The following DHX29 variants were observed in gnomAD, a reference collection of about 807,000 sequenced individuals.
The protein encoded by DHX29 is DExH-box helicase 29.
Under a neutral mutation model 167.9 loss-of-function variants are expected in DHX29, and 79 were observed. That is an observed-to-expected ratio of 0.47 (90% CI 0.39 to 0.57). DHX29 has a LOEUF of 0.57. DHX29 is among the 20% of genes least tolerant of loss of function. DHX29 has a pLI of 0.00. For missense variants in DHX29, 1,347 were observed against 1,593.4 expected, an observed-to-expected ratio of 0.85 and a Z score of 2.63; for synonymous variants, 530 against 546.0, an observed-to-expected ratio of 0.97 and a Z score of 0.41.
At chr5:55,288,954 G>A (rs191515778) in intron 8 of DHX29, among the ~76,000 whole-genome samples, 16 of 152,340 alleles carry the variant, frequency 1.1e-4, no homozygotes, top group Non-Finnish European at 1.8e-4. Flanking sequence ...TGTTACTGAT[G>A]TCAGTAGGCT....
chr5:55,290,445 T>TGG, intron 6 of DHX29, 101 bp from the exon 7 acceptor site: 1 of 1,352,150 alleles, frequency 7.4e-7, no homozygotes, highest in Non-Finnish European at 9.9e-7. Flanking sequence ...TATTTTTACC[T>TGG]TATCCTTTGA....
chr5:55,280,149 C>CTTAA (rs1747328708), intron 12 of DHX29, among the ~76,000 whole-genome samples: 1 of 152,126 alleles, frequency 6.6e-6, no homozygotes, highest in African/African-American at 2.4e-5. Context: ...ACAATAAATA[C>CTTAA]TTAACATGAC....
At position 55,289,285 on chromosome 5, in the gene DHX29, T is replaced by C; in HGVS notation, c.1051A>G (p.Thr351Ala). The change falls in exon 8 of 27, where the codon ACT becomes GCT. Residue 351 changes from threonine (T) to alanine (A), a missense_variant. Around this residue, in one of 3 missense-constraint regions of DHX29, gnomAD observed 405 missense variants for 416.8 expected, o/e 0.97. Transcript: ENST00000251636. ...FNLFEKSAAA[T>A]EEEKDKKKEP... is the part of the protein sequence containing the mutation. ...TTAATTTTACCTTTCTCTTCTTCAG[T>C]AGCAGCTGCAGATTTTTCAAATAAA... 1 of 1,572,292 alleles carries C rather than the reference T, an allele frequency of 6.4e-7. No homozygotes were observed. Among genetic ancestry groups the C allele is most frequent in the Non-Finnish European group, 8.6e-7 (1 of 1,166,076 alleles).
At chr5:55,275,926 G>C (rs1015928461) in intron 14 of DHX29, among the ~76,000 whole-genome samples, 2 of 121,492 alleles carry the variant, frequency 1.6e-5, no homozygotes, top group African/African-American at 7.7e-5. Flanking sequence ...ATGGTGTTGA[G>C]AGAAGTAGAG....
At chr5:55,262,536 A>G in intron 24 of DHX29, 94 bp downstream of exon 24, 3 of 1,449,656 alleles carry the variant, frequency 2.1e-6, no homozygotes, top group Non-Finnish European at 2.8e-6. Context: ...CAATTTGAGA[A>G]CCAAATAAAA....
At chr5:55,259,065 T>TTA (rs1471431689) in intron 26 of DHX29, among the ~76,000 whole-genome samples, 5 of 152,134 alleles carry the variant, frequency 3.3e-5, no homozygotes, top group Non-Finnish European at 5.9e-5. Flanking sequence ...AGGCTGGACT[T>TTA]TAACTCCTGG....
At chr5:55,287,252 C>G (rs185915564) in intron 8 of DHX29, among the ~76,000 whole-genome samples, 8 of 152,202 alleles carry the variant, frequency 5.3e-5, no homozygotes, top group African/African-American at 1.9e-4. Context: ...ACCAGCCTGG[C>G]CAACGTGGTG....
intron 1 of DHX29, 139 bp downstream of exon 1, chr5:55,307,248 C>G (rs755339271): frequency 1.7e-5 from 12 of 724,668 alleles, no homozygotes; most frequent in African/African-American, 3.6e-5. Context: ...ACAAGGCCAC[C>G]CCATGGGGAG....
intron 14 of DHX29, among the ~76,000 whole-genome samples, chr5:55,276,064 A>AGTGTTGTCCTCT (rs1579775114): frequency 6.6e-6 from 1 of 152,318 alleles, no homozygotes; most frequent in East Asian, 1.9e-4. Context: ...GAGGACAATC[A>AGTGTTGTCCTCT]AAGTATCACA....
At chr5:55,258,393 A>G (rs920961161) in intron 26 of DHX29, among the ~76,000 whole-genome samples, 1 of 152,246 alleles carries the variant, frequency 6.6e-6, no homozygotes, top group Non-Finnish European at 1.5e-5. Flanking sequence ...AACTGCATTT[A>G]AAAATGGGAT....
intron 8 of DHX29, among the ~76,000 whole-genome samples, 172 bp downstream of exon 8, chr5:55,289,098 G>A (rs1391355994): frequency 4.6e-5 from 7 of 152,186 alleles, no homozygotes; most frequent in Non-Finnish European, 7.3e-5. Flanking sequence ...ACAAAATGCT[G>A]TACATGTGTA....
At position 55,267,827 on chromosome 5, in the gene DHX29, C is replaced by A; in HGVS notation, c.3295-5G>T. 2 of 1,582,310 alleles carry A rather than the reference C, an allele frequency of 1.3e-6. No individual in the cohort carries two copies. The highest frequency in any genetic ancestry group is 1.7e-6 in the Non-Finnish European group (2 of 1,163,532). On this transcript the variant is annotated splice_region_variant and splice_polypyrimidine_tract_variant and intron_variant, in intron 21 of 26. Coordinates refer to ENST00000251636, the MANE Select transcript of DHX29 (RefSeq NM_019030.4). ...CATAACTGCAGCTAGTGTTGCCTAT[C>A]CATAAATCATAAATGACAAAACAAT...
intron 21 of DHX29, among the ~76,000 whole-genome samples, chr5:55,269,143 G>C (rs779927294): frequency 1.3e-5 from 2 of 151,124 alleles, no homozygotes; most frequent in Non-Finnish European, 2.9e-5. Flanking sequence ...CTACTTGGGA[G>C]ACTGAGGCAT....
chr5:55,273,277 C>T lies in DHX29; in HGVS notation c.2775+16G>A. The stretch of plus-strand genomic sequence containing the variant: ...CTCAGGTGGATCACATATAAATTTG[C>T]TGTACTAAATTTTACCTTCCTGACT... On this transcript the variant is annotated intron_variant, in intron 17 of 26. Coordinates refer to ENST00000251636, the MANE Select transcript of DHX29 (RefSeq NM_019030.4). 6.4e-7 allele frequency: 1 copy of T among 1,568,510 alleles called. No individual in the cohort carries two copies. Among genetic ancestry groups the T allele is most frequent in the South Asian group, 1.2e-5 (1 of 84,412 alleles).
Position 55,297,346 on chromosome 5 carries a change from T to C in DHX29, c.314A>G (p.His105Arg). 2 of 1,597,042 alleles carry C rather than the reference T, an allele frequency of 1.3e-6. No individual in the cohort carries two copies. The highest frequency in any genetic ancestry group is 1.7e-6 in the Non-Finnish European group (2 of 1,165,664). ...EQRIIGVINE[H>R]KKQNNDKGMI... ...TCCTTTGTCATTATTTTGCTTTTTA[T>C]GCTCATTGATCACTCCAATAATTCT... is the stretch of plus-strand genomic sequence containing the variant. Residue 105 changes from histidine (H) to arginine (R), a missense_variant, in exon 3 of 27, where the codon CAT (histidine) becomes CGT (arginine). Around this residue, in one of 3 missense-constraint regions of DHX29, gnomAD observed 405 missense variants for 416.8 expected, o/e 0.97. Coordinates refer to ENST00000251636, the MANE Select transcript of DHX29 (RefSeq NM_019030.4).
At position 55,267,686 on chromosome 5, in the gene DHX29, C is replaced by A; in HGVS notation, c.3431G>T (p.Gly1144Val). 1 of 1,594,034 alleles carries A rather than the reference C, an allele frequency of 6.3e-7. No homozygotes were observed. The highest frequency in any genetic ancestry group is 1.1e-5 in the South Asian group (1 of 87,766). ...DHLTIYNAYLGWKKARQEGGY... is the reference protein window; with the variant it reads ...DHLTIYNAYLVWKKARQEGGY... Reference sequence around the variant, plus strand: ...GATAACAGCCAGATTATGTTTTTACCCTAGATATGCATTGTAGATCGTCAG... The same window carrying A: ...GATAACAGCCAGATTATGTTTTTACACTAGATATGCATTGTAGATCGTCAG... The change falls in exon 22 of 27, where the codon GGA becomes GTA. Residue 1144 changes from glycine (G) to valine (V), a missense_variant and splice_region_variant. Physicochemically the swap from Gly to Val is moderately radical, Grantham distance 109 (BLOSUM62 -3). Transcript: ENST00000251636.
At chr5:55,304,677 C>G (rs573804804) in intron 1 of DHX29, among the ~76,000 whole-genome samples, 1 of 151,914 alleles carries the variant, frequency 6.6e-6, no homozygotes, top group African/African-American at 2.4e-5. Flanking sequence ...CCCTATTCGG[C>G]CTCTTCAGAA....
In DHX29 at chr5:55,275,771, ATGTG is replaced by A. The variant is rs991899280; in HGVS notation, c.2427+491_2427+494del. 7.1e-4 allele frequency among the ~76,000 whole-genome samples: 104 copies of A among 146,908 alleles called. 2 individuals carry two copies. The highest frequency in any genetic ancestry group is 3.4e-3 in the Middle Eastern group (1 of 292). On this transcript the variant is annotated intron_variant, in intron 14 of 26. Transcript: ENST00000251636. The stretch of plus-strand genomic sequence containing the variant: ...TATGTATGTATGTATGTATGTATGT[ATGTG>A]TGTGTGTCTGTCTGTCTATCTATCT...
chr5:55,283,118 A>G, intron 11 of DHX29, 85 bp downstream of exon 11: 2 of 1,446,294 alleles, frequency 1.4e-6, no homozygotes, highest in Non-Finnish European at 1.8e-6. Context: ...AAACTCACAT[A>G]TGGTACACAT....
Sources: allele counts gnomAD v4.1 joint callset (sites outside exome capture counted in the v4.1 genomes callset), GRCh38; gene constraint gnomAD v4.1.1; regional missense constraint gnomAD v4.1.1; transcripts MANE v1.5; gene names NCBI Gene and HGNC (gene_info 2026-07-23, HGNC 2026-07-21).